The following PIK3CG variants were observed in gnomAD, a reference collection of about 807,000 sequenced individuals.
PIK3CG encodes the protein phosphatidylinositol-4,5-bisphosphate 3-kinase catalytic subunit gamma, also known as phosphatidylinositol 4,5-bisphosphate 3-kinase catalytic subunit gamma isoform.
In PIK3CG, 55 loss-of-function variants were observed where a neutral mutation model predicts 102.3. The ratio of observed to expected loss-of-function variants is 0.54; its 90% CI spans 0.43 to 0.67. The LOEUF (loss-of-function observed/expected upper bound fraction) is 0.67, where lower values mean the gene tolerates loss of function less well. Among genes scored for constraint, PIK3CG ranks in the 30% least tolerant of loss-of-function variants. The probability of loss-of-function intolerance (pLI) is 0.00; values close to 1 mark genes in which losing one functional copy is unlikely to be tolerated. For missense variants in PIK3CG, 1,258 were observed against 1,391.8 expected, an observed-to-expected ratio of 0.90 and a Z score of 1.53; for synonymous variants, 552 against 540.0, an observed-to-expected ratio of 1.02 and a Z score of -0.31.
At position 106,867,721 on chromosome 7, in the gene PIK3CG, C is replaced by A. The variant is rs750966470; in HGVS notation, c.160C>A (p.Pro54Thr). 6.2e-7 allele frequency: 1 copy of A among 1,613,122 alleles called. No individual in the cohort carries two copies. Among genetic ancestry groups the A allele is most frequent in the Non-Finnish European group, 8.5e-7 (1 of 1,179,878 alleles). Residue 54 changes from proline to threonine, a missense_variant, in exon 2 of 11, where the codon CCC becomes ACC. Pro to Thr is a conservative substitution (Grantham distance 38, BLOSUM62 -1). This residue lies in a region of PIK3CG where 832 missense variants were observed against 787.5 expected (regional missense o/e 1.06). Transcript: ENST00000496166. This position sits in a 1 kb window ranked among gnomAD's most constrained non-coding sequence, Gnocchi z 5.1. ...CACCAGCCAGCGCAAATGCAAGAGCCCCGAAACGGCGCTGCTGCACGTGGC... is the reference window on the plus strand; with the variant it reads ...CACCAGCCAGCGCAAATGCAAGAGCACCGAAACGGCGCTGCTGCACGTGGC... ...LPTSQRKCKS[P>T]ETALLHVAGH...
In PIK3CG at chr7:106,872,286, A is replaced by G. The variant is rs1006590831; in HGVS notation, c.1996-251A>G. The stretch of plus-strand genomic sequence containing the variant: ...CCTTTGAATTTATCAGCAGCACATG[A>G]CTGTGAGTCAAAAGTTTCATCCTCT... On this transcript the variant is annotated intron_variant, in intron 2 of 10. Transcript: ENST00000496166. This position sits in a 1 kb window ranked among gnomAD's most constrained non-coding sequence, Gnocchi z 5.3. Among the ~76,000 whole-genome samples the G allele has an allele frequency of 3.3e-5, 5 of 152,140 alleles. No individual in the cohort carries two copies. Among genetic ancestry groups the G allele is most frequent in the Non-Finnish European group, 5.9e-5 (4 of 68,024 alleles).
rs777473829 is a variant in PIK3CG, at chr7:106,868,862, A to T, written c.1301A>T (p.Tyr434Phe). The change falls in exon 2 of 11, where the codon TAC becomes TTC. Residue 434 changes from tyrosine (Y) to phenylalanine (F), a missense_variant. This residue lies in a region of PIK3CG where 832 missense variants were observed against 787.5 expected (regional missense o/e 1.06). Coordinates refer to ENST00000496166, the MANE Select transcript of PIK3CG (RefSeq NM_001282426.2). This position sits in a 1 kb window ranked among gnomAD's most constrained non-coding sequence, Gnocchi z 6.2. ...GGGGCTCTACTGAACCTCCAGATCT[A>T]CTGCGGTAAAGCTCCAGCACTGTCC... ...PKGALLNLQI[Y>F]CGKAPALSSK... 1 of 1,614,226 alleles carries T rather than the reference A, an allele frequency of 6.2e-7. No homozygotes were observed. Among genetic ancestry groups the T allele is most frequent in the Non-Finnish European group, 8.5e-7 (1 of 1,180,038 alleles).
rs1324393152 is a variant in PIK3CG, at chr7:106,880,006, A to G, written c.2538+341A>G. ...CCCAGCACTCACTTCATTCCTGCCC[A>G]TAGACATGTCTGCACATCTCTAGGC... On this transcript the variant is annotated intron_variant, in intron 6 of 10. Coordinates refer to ENST00000496166, the MANE Select transcript of PIK3CG (RefSeq NM_001282426.2). This position sits in a 1 kb window ranked among gnomAD's most constrained non-coding sequence, Gnocchi z 4.2. Among the ~76,000 whole-genome samples, 2 of 152,212 alleles carry G rather than the reference A, an allele frequency of 1.3e-5. No homozygotes were observed. Among genetic ancestry groups the G allele is most frequent in the East Asian group, 3.9e-4 (2 of 5,192 alleles).
In PIK3CG at chr7:106,879,543, T is replaced by C; in HGVS notation, c.2416T>C (p.Ser806Pro). Reference protein sequence around the residue: ...LAIEKCKVMASKKKPLWLEFK... With the variant: ...LAIEKCKVMAPKKKPLWLEFK... ...GATTGAAAAATGTAAAGTAATGGCC[T>C]CCAAGAAAAAACCACTATGGCTTGA... is the stretch of plus-strand genomic sequence containing the variant. The change falls in exon 6 of 11, where the codon TCC (serine) becomes CCC (proline). Residue 806 changes from serine to proline, a missense_variant. This residue lies in a region of PIK3CG where 426 missense variants were observed against 604.2 expected (regional missense o/e 0.71). Coordinates refer to ENST00000496166, the MANE Select transcript of PIK3CG (RefSeq NM_001282426.2). The surrounding 1 kb of genome is among the most constrained non-coding windows in gnomAD (Gnocchi z 4.9). 6.2e-7 allele frequency: 1 copy of C among 1,613,460 alleles called. No individual in the cohort carries two copies. Among genetic ancestry groups the C allele is most frequent in the Non-Finnish European group, 8.5e-7 (1 of 1,179,496 alleles).
rs1790418499 is a variant in PIK3CG at position 106,868,761 on chromosome 7, C to T, written c.1200C>T (p.Ser400=). 3 of 1,614,220 alleles carry T rather than the reference C, an allele frequency of 1.9e-6. No individual in the cohort carries two copies. Among genetic ancestry groups the T allele is most frequent in the Non-Finnish European group, 2.5e-6 (3 of 1,180,044 alleles). The change falls in exon 2 of 11, where the codon AGC becomes AGT. Residue 400 remains serine (S), a synonymous_variant. Coordinates refer to ENST00000496166, the MANE Select transcript of PIK3CG (RefSeq NM_001282426.2). The surrounding 1 kb of genome is among the most constrained non-coding windows in gnomAD (Gnocchi z 6.2). ...AAGTCCTTTGCCAAAGGAGAACCAG[C>T]CCCAAACCCTTCACAGAGGAGGTGC... ...GQQVLCQRRT[S]PKPFTEEVLW...
Position 106,879,499 on chromosome 7 carries a change from A to T in PIK3CG, c.2392-20A>T. 6.2e-7 allele frequency: 1 copy of T among 1,605,774 alleles called. No individual in the cohort carries two copies. The highest frequency in any genetic ancestry group is 8.5e-7 in the Non-Finnish European group (1 of 1,172,592). On this transcript the variant is annotated intron_variant, in intron 5 of 10. Coordinates refer to ENST00000496166, the MANE Select transcript of PIK3CG (RefSeq NM_001282426.2). The surrounding 1 kb of genome is among the most constrained non-coding windows in gnomAD (Gnocchi z 4.9). ...TCGTTATTCATTGTGTGTGGGGAAT[A>T]TGTGACTGCTTCCTTACAGATTGAA...
Position 106,894,196 on chromosome 7 carries a change from C to T in PIK3CG, c.3030+7904C>T, listed in dbSNP as rs565188018. ...TAATGCTATTTTGACTTTTGTATCTCCAAATAGTCCACCTTAAATCCTTTT... is the reference window on the plus strand; with the variant it reads ...TAATGCTATTTTGACTTTTGTATCTTCAAATAGTCCACCTTAAATCCTTTT... On this transcript the variant is annotated intron_variant, in intron 10 of 10. Coordinates refer to ENST00000496166, the MANE Select transcript of PIK3CG (RefSeq NM_001282426.2). This position sits in a 1 kb window ranked among gnomAD's most constrained non-coding sequence, Gnocchi z 4.4. Among the ~76,000 whole-genome samples the T allele has an allele frequency of 6.6e-6, 1 of 152,190 alleles. No homozygotes were observed. The highest frequency in any genetic ancestry group is 2.1e-4 in the South Asian group (1 of 4,818).
In PIK3CG at chr7:106,868,087, A is replaced by G; in HGVS notation, c.526A>G (p.Thr176Ala). The change falls in exon 2 of 11, where the codon ACG becomes GCG. Residue 176 changes from threonine to alanine, a missense_variant. By Grantham distance (58) the Thr-to-Ala change is moderately conservative. This residue lies in a region of PIK3CG where 832 missense variants were observed against 787.5 expected (regional missense o/e 1.06). Coordinates refer to ENST00000496166, the MANE Select transcript of PIK3CG (RefSeq NM_001282426.2). The surrounding 1 kb of genome is among the most constrained non-coding windows in gnomAD (Gnocchi z 6.2). The part of the protein sequence containing the change: ...SNVHDDELEF[T>A]RRGLVTPRMA... ...CGTGCACGACGATGAGCTGGAGTTC[A>G]CGCGCCGTGGCTTGGTGACCCCGCG... 1 of 1,612,922 alleles carries G rather than the reference A, an allele frequency of 6.2e-7. No homozygotes were observed. The highest frequency in any genetic ancestry group is 8.5e-7 in the Non-Finnish European group (1 of 1,179,300).
rs1203174945 is a variant in PIK3CG, at chr7:106,906,723, CTA to C, written c.*1338_*1339del. The C allele has an allele frequency of 8.9e-6, 2 of 224,524 alleles. No individual in the cohort carries two copies. Among genetic ancestry groups the C allele is most frequent in the African/African-American group, 4.5e-5 (2 of 44,718 alleles). 13.9% of individuals were successfully genotyped at this position (224,524 alleles called of 1,614,324 possible). ...AGCTAATACATTACATAGAAAAAAA[CTA>C]TGTTAACAGTGTCTCTGTTTAAGTA... is the stretch of plus-strand genomic sequence containing the variant. On this transcript the variant is annotated 3_prime_UTR_variant, in exon 11 of 11. Transcript: ENST00000496166.
chr7:106,891,273 A>C lies in PIK3CG; in HGVS notation c.3030+4981A>C, dbSNP rs1378759672. Among the ~76,000 whole-genome samples the C allele has an allele frequency of 6.6e-6, 1 of 152,240 alleles. No homozygotes were observed. The highest frequency in any genetic ancestry group is 1.9e-4 in the East Asian group (1 of 5,194). ...TATTCTGTGAGTTTCACAATAACTCAGGCCCAGATTGACAGACCATCATCA... is the reference window on the plus strand; with the variant it reads ...TATTCTGTGAGTTTCACAATAACTCCGGCCCAGATTGACAGACCATCATCA... On this transcript the variant is annotated intron_variant, in intron 10 of 10. Transcript: ENST00000496166. This position sits in a 1 kb window ranked among gnomAD's most constrained non-coding sequence, Gnocchi z 4.4.
rs1368786259 is a variant in PIK3CG at position 106,869,154 on chromosome 7, G to A, written c.1593G>A (p.Lys531=). The A allele has an allele frequency of 6.2e-7, 1 of 1,614,066 alleles. No individual in the cohort carries two copies. Among genetic ancestry groups the A allele is most frequent in the African/African-American group, 1.3e-5 (1 of 74,912 alleles). The change falls in exon 2 of 11, where the codon AAG becomes AAA. Residue 531 remains lysine, a synonymous_variant. Coordinates refer to ENST00000496166, the MANE Select transcript of PIK3CG (RefSeq NM_001282426.2). The surrounding 1 kb of genome is among the most constrained non-coding windows in gnomAD (Gnocchi z 5.3). The stretch of plus-strand genomic sequence containing the variant: ...ACTGCCACCCGATAGCCCTGCCTAA[G>A]CATCAGCCCACCCCTGACCCGGAAG... ...DNYCHPIALP[K]HQPTPDPEGD... is the part of the protein sequence containing the mutation.
rs768020268 is a variant in PIK3CG at position 106,869,220 on chromosome 7, G to C, written c.1659G>C (p.Lys553Asn). The C allele has an allele frequency of 1.2e-6, 2 of 1,614,098 alleles. No homozygotes were observed. Among genetic ancestry groups the C allele is most frequent in the South Asian group, 2.2e-5 (2 of 91,094 alleles). Residue 553 changes from lysine (K) to asparagine (N), a missense_variant, in exon 2 of 11, where the codon AAG (lysine) becomes AAC (asparagine). Physicochemically the swap from Lys to Asn is moderately conservative, Grantham distance 94. Transcript: ENST00000496166. This position sits in a 1 kb window ranked among gnomAD's most constrained non-coding sequence, Gnocchi z 5.3. ...VRAEMPNQLRKQLEAIIATDP... is the reference protein window; with the variant it reads ...VRAEMPNQLRNQLEAIIATDP... ...CAGAAATGCCCAACCAGCTTCGCAAGCAATTGGAGGCGATCATAGCCACTG... is the reference window on the plus strand; with the variant it reads ...CAGAAATGCCCAACCAGCTTCGCAACCAATTGGAGGCGATCATAGCCACTG...
intron 10 of PIK3CG, 32 bp downstream of exon 10, chr7:106,886,324 T>A (rs1423572749): frequency 1.2e-6 from 2 of 1,611,566 alleles, no homozygotes; most frequent in African/African-American, 2.7e-5. Context: ...CTGCTGAGAA[T>A]AGCACCGAAG....
Position 106,874,437 on chromosome 7 carries a change from A to G in PIK3CG, c.2288-263A>G, listed in dbSNP as rs1276948161. Among the ~76,000 whole-genome samples the G allele has an allele frequency of 1.3e-5, 2 of 152,180 alleles. No individual in the cohort carries two copies. Among genetic ancestry groups the G allele is most frequent in the Non-Finnish European group, 1.5e-5 (1 of 68,032 alleles). ...CTCTACTTGGATTGTGTTGGTGTCT[A>G]TGTGTTATCCCACATATATTCACAT... On this transcript the variant is annotated intron_variant, in intron 4 of 10. Transcript: ENST00000496166. The surrounding 1 kb of genome is among the most constrained non-coding windows in gnomAD (Gnocchi z 4.3).
rs973711697 is a variant in PIK3CG, at chr7:106,892,938, G to T, written c.3030+6646G>T. Among the ~76,000 whole-genome samples the T allele has an allele frequency of 6.6e-6, 1 of 152,142 alleles. No homozygotes were observed. Among genetic ancestry groups the T allele is most frequent in the Non-Finnish European group, 1.5e-5 (1 of 68,020 alleles). The stretch of plus-strand genomic sequence containing the variant: ...TAGGAACAAGAAGTATATTTACCTG[G>T]TATGGATAGAAAGTGGTATTTCTGG... On this transcript the variant is annotated intron_variant, in intron 10 of 10. Transcript: ENST00000496166. This position sits in a 1 kb window ranked among gnomAD's most constrained non-coding sequence, Gnocchi z 5.2.
Position 106,906,798 on chromosome 7 carries a change from A to G in PIK3CG, c.*1411A>G, listed in dbSNP as rs1791692881. 1 of 222,542 alleles carries G rather than the reference A, an allele frequency of 4.5e-6. No individual in the cohort carries two copies. Among genetic ancestry groups the G allele is most frequent in the Admixed American group, 5.8e-5 (1 of 17,196 alleles). The allele number at this position is 222,542 out of a possible 1,614,324, so 13.8% of individuals were successfully genotyped here. A position where few individuals can be genotyped will look rare whatever the true frequency, so the allele number is the denominator to read the frequency against. ...TAATTTTTTAATTTTAAAAATAGATACCTGTTTGACTTTGAGGTAGTCCAG... is the reference window on the plus strand; with the variant it reads ...TAATTTTTTAATTTTAAAAATAGATGCCTGTTTGACTTTGAGGTAGTCCAG... On this transcript the variant is annotated 3_prime_UTR_variant, in exon 11 of 11. Transcript: ENST00000496166.
chr7:106,865,655 G>C (rs1489571904), intron 1 of PIK3CG: 3 of 152,162 alleles, frequency 2.0e-5, no homozygotes, highest in Admixed American at 1.3e-4. Context: ...GAAAAGGGAG[G>C]GCACGGCAGC....
intron 2 of PIK3CG, among the ~76,000 whole-genome samples, chr7:106,871,073 T>C (rs916154912): frequency 6.6e-6 from 1 of 152,242 alleles, no homozygotes; most frequent in African/African-American, 2.4e-5. Context: ...TAGAAATGTG[T>C]TAAATGAAAG....
At position 106,888,218 on chromosome 7, in the gene PIK3CG, C is replaced by T. The variant is rs543386656; in HGVS notation, c.3030+1926C>T. Among the ~76,000 whole-genome samples the T allele has an allele frequency of 6.6e-5, 10 of 152,110 alleles. No homozygotes were observed. The South Asian group carries it at 1.9e-3, about 28-fold the overall frequency. On this transcript the variant is annotated intron_variant, in intron 10 of 10. Coordinates refer to ENST00000496166, the MANE Select transcript of PIK3CG (RefSeq NM_001282426.2). The stretch of plus-strand genomic sequence containing the variant: ...CCTCCCAAAGTGCTAGGATTACAGG[C>T]GTGAGCCACTGTGCCCAGCCGACTC...
Sources: gnomAD v4.1 joint callset for allele counts (sites outside exome capture counted in the v4.1 genomes callset) on GRCh38, gnomAD v4.1.1 for gene constraint, gnomAD v4.1.1 regional missense constraint, Gnocchi (gnomAD v3.1) non-coding constraint, MANE v1.5 for transcripts, NCBI Gene and HGNC (gene_info 2026-07-23, HGNC 2026-07-21) for gene names.